CTNNA2: variants seen among roughly 807,000 people sequenced by gnomAD.
CTNNA2 encodes catenin alpha-2.
CTNNA2 carries 42 observed loss-of-function variants against 101.0 expected under a neutral mutation model. That is an observed-to-expected ratio of 0.42 (90% CI 0.32 to 0.54). The LOEUF (loss-of-function observed/expected upper bound fraction) is 0.54. Among genes scored for constraint, CTNNA2 ranks in the 20% least tolerant of loss-of-function variants. CTNNA2 has a pLI of 0.14. For missense variants in CTNNA2, 871 were observed against 1,223.1 expected, an observed-to-expected ratio of 0.71 and a Z score of 4.29; for synonymous variants, 450 against 456.4, an observed-to-expected ratio of 0.99 and a Z score of 0.18.
chr2:80,347,323 T>C (rs930115731), intron 7 of CTNNA2, among the ~76,000 whole-genome samples: 4 of 152,166 alleles, frequency 2.6e-5, no homozygotes, highest in African/African-American at 4.8e-5. Flanking sequence ...GTGGTTTTAT[T>C]TCTCTGAGTC....
chr2:79,697,825 C>T (rs192270302), intron 2 of CTNNA2: 70 of 151,890 alleles, frequency 4.6e-4, no homozygotes, highest in African/African-American at 1.6e-3. Flanking sequence ...TTGAAACTCA[C>T]CAAATAGATT....
At chr2:79,761,819 A>C (rs1573902540) in intron 3 of CTNNA2, among the ~76,000 whole-genome samples, 1 of 152,224 alleles carries the variant, frequency 6.6e-6, no homozygotes, top group Non-Finnish European at 1.5e-5. Flanking sequence ...CATGATTAAA[A>C]ATATTGATCT....
At chr2:79,738,853 A>T (rs758203848) in intron 2 of CTNNA2, among the ~76,000 whole-genome samples, 1 of 152,212 alleles carries the variant, frequency 6.6e-6, no homozygotes, top group African/African-American at 2.4e-5. Flanking sequence ...AAAAATTGGC[A>T]GTGACTAATG....
At chr2:79,516,658 G>A (rs914511954) in intron 1 of CTNNA2, among the ~76,000 whole-genome samples, 1 of 152,164 alleles carries the variant, frequency 6.6e-6, no homozygotes, top group Non-Finnish European at 1.5e-5. Context: ...TACCCATGGA[G>A]GTAGTTTCAG....
At chr2:80,438,108 A>T (rs978982410) in intron 9 of CTNNA2, among the ~76,000 whole-genome samples, 2 of 152,232 alleles carry the variant, frequency 1.3e-5, no homozygotes, top group Non-Finnish European at 1.5e-5. Flanking sequence ...CCAAGACCAA[A>T]GTGTCAGCAA....
intron 7 of CTNNA2, among the ~76,000 whole-genome samples, chr2:79,940,638 T>C (rs1324326720): frequency 6.6e-6 from 1 of 152,212 alleles, no homozygotes; most frequent in Non-Finnish European, 1.5e-5. Flanking sequence ...TTTCTGATGT[T>C]GTGCCTTTTT....
At chr2:79,187,189 A>C (rs942800922) in intron 1 of CTNNA2, among the ~76,000 whole-genome samples, 2 of 151,952 alleles carry the variant, frequency 1.3e-5, no homozygotes, top group African/African-American at 4.8e-5. Flanking sequence ...CAAAGAAAAA[A>C]ATCTTAACAC....
chr2:80,035,988 G>C (rs1203459843), intron 7 of CTNNA2, among the ~76,000 whole-genome samples: 1 of 152,208 alleles, frequency 6.6e-6, no homozygotes, highest in African/African-American at 2.4e-5. Context: ...ATCTACATGA[G>C]CCACAGCAAG....
At chr2:79,707,384 C>T (rs1236154277) in intron 2 of CTNNA2, among the ~76,000 whole-genome samples, 1 of 152,136 alleles carries the variant, frequency 6.6e-6, no homozygotes, top group Non-Finnish European at 1.5e-5. Flanking sequence ...TTTCTGAGGG[C>T]ATGTCTGTGT....
intron 2 of CTNNA2, among the ~76,000 whole-genome samples, chr2:79,735,508 A>G (rs922150370): frequency 6.6e-6 from 1 of 152,198 alleles, no homozygotes; most frequent in Non-Finnish European, 1.5e-5. Flanking sequence ...GGCCATAAAA[A>G]TATCTCACCC....
intron 3 of CTNNA2, among the ~76,000 whole-genome samples, chr2:79,848,799 G>A (rs553113191): frequency 2.7e-4 from 41 of 152,142 alleles, no homozygotes; most frequent in Non-Finnish European, 5.0e-4. Flanking sequence ...GACACATTTG[G>A]AGCTGCTCTT....
chr2:80,601,968 G>A (rs1280074992), intron 15 of CTNNA2: 2 of 151,996 alleles, frequency 1.3e-5, no homozygotes, highest in Non-Finnish European at 1.5e-5. Flanking sequence ...TATGATTCAG[G>A]ACACACAGAC....
chr2:79,993,866 T>C (rs780049906), intron 7 of CTNNA2, among the ~76,000 whole-genome samples: 1 of 152,078 alleles, frequency 6.6e-6, no homozygotes, highest in Non-Finnish European at 1.5e-5. Context: ...AAAAGAGGTT[T>C]GGTTTTGTTG....
chr2:80,614,514 C>A (rs1348637824), intron 17 of CTNNA2, among the ~76,000 whole-genome samples: 1 of 151,118 alleles, frequency 6.6e-6, no homozygotes, highest in African/African-American at 2.4e-5. Context: ...AGAACCAATC[C>A]CCCATGGATA....
chr2:80,378,930 A>G (rs932824994), intron 7 of CTNNA2: 143 of 151,522 alleles, frequency 9.4e-4, no homozygotes, highest in African/African-American at 3.2e-3. Context: ...CTCTGGGGTC[A>G]GGGAGAGGCA....
intron 18 of CTNNA2, among the ~76,000 whole-genome samples, chr2:80,644,525 CAG>C (rs1266534437): frequency 1.3e-5 from 2 of 152,092 alleles, no homozygotes; most frequent in African/African-American, 4.8e-5. Context: ...AATTGGAAAA[CAG>C]AGTTTTGGCA....
At chr2:79,738,355 A>G (rs1055420023) in intron 2 of CTNNA2, among the ~76,000 whole-genome samples, 4 of 152,186 alleles carry the variant, frequency 2.6e-5, no homozygotes, top group African/African-American at 9.6e-5. Flanking sequence ...GGCTAGAGCA[A>G]AGTTGAGTAT....
At chr2:79,494,841 T>C (rs1239883498) in intron 4 of CTNNA2, among the ~76,000 whole-genome samples, 1 of 151,984 alleles carries the variant, frequency 6.6e-6, no homozygotes, top group Non-Finnish European at 1.5e-5. Flanking sequence ...CAGGGCGTGG[T>C]GGCTCACGTC....
chr2:79,814,663 T>C (rs146945418), intron 3 of CTNNA2, among the ~76,000 whole-genome samples: 30 of 147,562 alleles, frequency 2.0e-4, no homozygotes, highest in Non-Finnish European at 3.5e-4. Flanking sequence ...CACAGTTTCT[T>C]TATCCACTCA....
Sources: allele counts gnomAD v4.1 joint callset (sites outside exome capture counted in the v4.1 genomes callset), GRCh38; gene constraint gnomAD v4.1.1; transcripts MANE v1.5; gene names NCBI Gene and HGNC (gene_info 2026-07-23, HGNC 2026-07-21).